Variants in HRH1 observed in about 807,000 individuals in gnomAD.
HRH1 encodes histamine H1 receptor.
In HRH1, 6 loss-of-function variants were observed where a neutral mutation model predicts 10.3. The ratio of observed to expected loss-of-function variants is 0.58; its 90% confidence interval spans 0.32 to 1.15. HRH1 has a LOEUF of 1.15. Among genes scored for constraint, HRH1 ranks in the 50% most tolerant of loss-of-function variants. The probability of loss-of-function intolerance (pLI) is 0.05; values close to 1 mark genes in which losing one functional copy is unlikely to be tolerated. For synonymous variants in HRH1, 242 were observed against 236.7 expected (o/e 1.02, Z -0.21); for missense variants, 514 against 615.3 (o/e 0.84, Z 1.74).
chr3:11,174,342 A>G (rs547983356), intron 1 of HRH1, among the ~76,000 whole-genome samples: 1 of 152,272 alleles, frequency 6.6e-6, no homozygotes, highest in Non-Finnish European at 1.5e-5. Context: ...GTATGAGGAG[A>G]TAGCCCTGGG....
intron 1 of HRH1, among the ~76,000 whole-genome samples, chr3:11,225,002 T>G (rs933209980): frequency 6.6e-6 from 1 of 152,102 alleles, no homozygotes; most frequent in Non-Finnish European, 1.5e-5. Flanking sequence ...GAGGGGAAAG[T>G]AGGCAACGTC....
chr3:11,220,305 C>T lies in HRH1; in HGVS notation c.-35-38698C>T, dbSNP rs181316065. Among the ~76,000 whole-genome samples, 18 of 152,308 alleles carry T rather than the reference C, an allele frequency of 1.2e-4. No individual in the cohort carries two copies. In the East Asian group the frequency reaches 3.3e-3, roughly 28 times the overall value. Reference sequence around the variant, plus strand: ...GTGCCACTGTCAGCTCCAACCCTGACTTGCTGTATAGTCTTGGTAAAGCCG... The same window carrying T: ...GTGCCACTGTCAGCTCCAACCCTGATTTGCTGTATAGTCTTGGTAAAGCCG... On this transcript the variant is annotated intron_variant, in intron 1 of 1. Transcript: ENST00000431010.
intron 1 of HRH1, among the ~76,000 whole-genome samples, chr3:11,163,217 T>C (rs954323993): frequency 2.0e-5 from 3 of 152,124 alleles, no homozygotes; most frequent in Admixed American, 2.0e-4. Context: ...CTCCTCCTTC[T>C]GCACACCCAA....
chr3:11,177,076 G>A (rs1937262334), intron 1 of HRH1, among the ~76,000 whole-genome samples: 1 of 150,694 alleles, frequency 6.6e-6, no homozygotes, highest in South Asian at 2.1e-4. Flanking sequence ...CTGAATGACG[G>A]AGTGAAACTC....
At chr3:11,240,585 C>T (rs1575036461) in intron 1 of HRH1, among the ~76,000 whole-genome samples, 1 of 152,158 alleles carries the variant, frequency 6.6e-6, no homozygotes, top group African/African-American at 2.4e-5. Context: ...CCACTGGGGC[C>T]ACTACCTGCC....
chr3:11,206,696 G>A (rs1450852020), intron 1 of HRH1, among the ~76,000 whole-genome samples: 1 of 152,224 alleles, frequency 6.6e-6, no homozygotes, highest in African/African-American at 2.4e-5. Flanking sequence ...AGCTGGCAAG[G>A]GGTGCCCCCG....
At chr3:11,170,058 G>A (rs1383469521) in intron 1 of HRH1, among the ~76,000 whole-genome samples, 16 of 152,108 alleles carry the variant, frequency 1.1e-4, no homozygotes, top group Non-Finnish European at 1.8e-4. Flanking sequence ...CTCAACAGAC[G>A]GTGCCTTGGA....
Position 11,259,764 on chromosome 3 carries a change from A to T in HRH1, c.727A>T (p.Asn243Tyr), listed in dbSNP as rs1939890020. 2 of 1,614,076 alleles carry T rather than the reference A, an allele frequency of 1.2e-6. No individual in the cohort carries two copies. Among genetic ancestry groups the T allele is most frequent in the Non-Finnish European group, 8.5e-7 (1 of 1,180,014 alleles). The change falls in exon 2 of 2, where the codon AAC becomes TAC. Residue 243 changes from asparagine (N) to tyrosine (Y), a missense_variant. By Grantham distance (143) the Asn-to-Tyr change is moderately radical (BLOSUM62 -2). Coordinates refer to ENST00000431010, the MANE Select transcript of HRH1 (RefSeq NM_001098212.2). This position sits in a 1 kb window ranked among gnomAD's most constrained non-coding sequence, Gnocchi z 4.6. ...SFSEIKLRPE[N>Y]PKGDAKKPGK... ...CTCAGAAATTAAGCTGAGGCCAGAGAACCCCAAGGGGGATGCCAAGAAACC... is the reference window on the plus strand; with the variant it reads ...CTCAGAAATTAAGCTGAGGCCAGAGTACCCCAAGGGGGATGCCAAGAAACC...
Position 11,196,987 on chromosome 3 carries a change from T to A in HRH1, c.-36+42433T>A, listed in dbSNP as rs541176150. Reference sequence around the variant, plus strand: ...AAAAAAAAAAAAAATTAGCTGGGCATGGTGGTGGGCGCCTGTAGTCCCAGC... The same window carrying A: ...AAAAAAAAAAAAAATTAGCTGGGCAAGGTGGTGGGCGCCTGTAGTCCCAGC... On this transcript the variant is annotated intron_variant, in intron 1 of 1. Transcript: ENST00000431010. 3.4e-5 allele frequency among the ~76,000 whole-genome samples: 5 copies of A among 145,556 alleles called. No homozygotes were observed. The Admixed American group carries it at 3.4e-4, about 10-fold the overall frequency.
chr3:11,242,209 C>T (rs1054537321), intron 1 of HRH1, among the ~76,000 whole-genome samples: 9 of 152,016 alleles, frequency 5.9e-5, no homozygotes, highest in Admixed American at 5.2e-4. Flanking sequence ...TGGCCGGGTG[C>T]GGTGGCTCAT....
Position 11,259,433 on chromosome 3 carries a change from C to G in HRH1, c.396C>G (p.Pro132=). ...CIDRYRSVQQ[P]LRYLKYRTKT... is the part of the protein sequence containing the mutation. ...ATCGCTACCGCTCTGTCCAGCAGCC[C>G]CTCAGGTACCTTAAGTATCGTACCA... Residue 132 remains proline (P), a synonymous_variant, in exon 2 of 2, where the codon CCC becomes CCG. Coordinates refer to ENST00000431010, the MANE Select transcript of HRH1 (RefSeq NM_001098212.2). This position sits in a 1 kb window ranked among gnomAD's most constrained non-coding sequence, Gnocchi z 4.6. The G allele has an allele frequency of 6.2e-7, 1 of 1,613,946 alleles. No individual in the cohort carries two copies. Among genetic ancestry groups the G allele is most frequent in the South Asian group, 1.1e-5 (1 of 91,054 alleles).
intron 1 of HRH1, among the ~76,000 whole-genome samples, chr3:11,156,057 T>C (rs763485477): frequency 3.3e-5 from 5 of 152,158 alleles, no homozygotes; most frequent in Non-Finnish European, 7.3e-5. Flanking sequence ...CCTTAGCTCC[T>C]TCTTTGCTTG....
At chr3:11,218,135 A>G (rs988549363) in intron 1 of HRH1, among the ~76,000 whole-genome samples, 6 of 152,252 alleles carry the variant, frequency 3.9e-5, no homozygotes, top group African/African-American at 1.2e-4. Flanking sequence ...GTATCTAGGT[A>G]TGTACATTTG....
At chr3:11,163,612 G>T (rs1274047977) in intron 1 of HRH1, among the ~76,000 whole-genome samples, 1 of 152,146 alleles carries the variant, frequency 6.6e-6, no homozygotes, top group East Asian at 1.9e-4. Context: ...AAGGTTGTGA[G>T]GCCTCACCCC....
At chr3:11,218,999 T>C (rs1575021648) in intron 1 of HRH1, among the ~76,000 whole-genome samples, 2 of 152,156 alleles carry the variant, frequency 1.3e-5, no homozygotes, top group Admixed American at 6.5e-5. Flanking sequence ...CAAGCAATTT[T>C]CCTGCCTCAG....
chr3:11,152,160 A>G (rs1348514091), upstream of HRH1, among the ~76,000 whole-genome samples: 1 of 152,186 alleles, frequency 6.6e-6, no homozygotes, highest in Non-Finnish European at 1.5e-5. Flanking sequence ...GCAAAACGGG[A>G]TGACAACAGT....
chr3:11,194,947 C>G (rs1937613822), intron 1 of HRH1, among the ~76,000 whole-genome samples: 1 of 152,132 alleles, frequency 6.6e-6, no homozygotes, highest in African/African-American at 2.4e-5. Flanking sequence ...ATCCTTAAAA[C>G]AACAGCTTCT....
At chr3:11,173,941 C>T (rs1378450127) in intron 1 of HRH1, among the ~76,000 whole-genome samples, 1 of 152,222 alleles carries the variant, frequency 6.6e-6, no homozygotes, top group African/African-American at 2.4e-5. Context: ...AAGACTGCCA[C>T]TCAGACATGG....
chr3:11,166,465 G>C (rs1022515080), intron 1 of HRH1, among the ~76,000 whole-genome samples: 2 of 152,236 alleles, frequency 1.3e-5, no homozygotes, highest in Non-Finnish European at 2.9e-5. Context: ...GAGCAGACAA[G>C]CATTCCTGCC....
Sources: gnomAD v4.1 joint callset for allele counts (sites outside exome capture counted in the v4.1 genomes callset) on GRCh38, gnomAD v4.1.1 for gene constraint, Gnocchi (gnomAD v3.1) non-coding constraint, MANE v1.5 for transcripts, NCBI Gene and HGNC (gene_info 2026-07-23, HGNC 2026-07-21) for gene names.